Variants in PRKD1 observed in about 807,000 individuals in gnomAD.
PRKD1 encodes the protein protein kinase D1, also known as serine/threonine-protein kinase D1.
In PRKD1, 63 loss-of-function variants were observed where a neutral mutation model predicts 95.9. That is an observed-to-expected ratio of 0.66 (90% CI 0.54 to 0.81). The LOEUF (loss-of-function observed/expected upper bound fraction) is 0.81, where lower values mean the gene tolerates loss of function less well. Ranked by LOEUF, PRKD1 falls within the 30% of genes least tolerant of loss-of-function variation. The probability of loss-of-function intolerance (pLI) is 0.00; values close to 1 mark genes in which losing one functional copy is unlikely to be tolerated. For missense variants in PRKD1, 1,048 were observed against 1,165.3 expected, an observed-to-expected ratio of 0.90 and a Z score of 1.47; for synonymous variants, 425 against 423.1, an observed-to-expected ratio of 1.00 and a Z score of -0.05.
At chr14:29,726,788 A>T (rs893858220) in intron 1 of PRKD1, among the ~76,000 whole-genome samples, 1 of 137,512 alleles carries the variant, frequency 7.3e-6, no homozygotes, top group African/African-American at 2.9e-5. Context: ...TAACTTCCTT[A>T]AAAAAAAAAA....
At chr14:29,676,183 G>GTTTTTTT (rs34953735) in intron 2 of PRKD1, among the ~76,000 whole-genome samples, 32 of 67,416 alleles carry the variant, frequency 4.7e-4, no homozygotes, top group East Asian at 1.8e-3. Flanking sequence ...TTACGTTTTT[G>GTTTTTTT]TTTTTTTTTT....
intron 1 of PRKD1, among the ~76,000 whole-genome samples, chr14:29,753,978 T>C (rs1200612400): frequency 6.6e-6 from 1 of 152,160 alleles, no homozygotes; most frequent in African/African-American, 2.4e-5. Flanking sequence ...ACAGTATTCA[T>C]TTATCTTAAT....
chr14:29,747,001 C>T (rs1426498378), intron 1 of PRKD1, among the ~76,000 whole-genome samples: 1 of 152,072 alleles, frequency 6.6e-6, no homozygotes, highest in Non-Finnish European at 1.5e-5. Flanking sequence ...AAGATTCTAT[C>T]GGCAACATAC....
At chr14:29,767,662 T>C (rs1437420942) in intron 1 of PRKD1, among the ~76,000 whole-genome samples, 1 of 152,220 alleles carries the variant, frequency 6.6e-6, no homozygotes, top group Non-Finnish European at 1.5e-5. Flanking sequence ...TAGTATTTCA[T>C]ATTTAAACCA....
chr14:29,923,227 CAAAAAAAAAAA>C (rs33966435), intron 1 of PRKD1, among the ~76,000 whole-genome samples: 1 of 88,780 alleles, frequency 1.1e-5, no homozygotes, highest in Non-Finnish European at 2.8e-5. Context: ...GAGATTCTGT[CAAAAAAAAAAA>C]AAAAAAAACA....
chr14:29,716,960 C>T (rs564136564), intron 2 of PRKD1, among the ~76,000 whole-genome samples: 3 of 152,138 alleles, frequency 2.0e-5, no homozygotes, highest in African/African-American at 7.2e-5. Flanking sequence ...TTCTAAAAGA[C>T]ATTTTTGACA....
intron 1 of PRKD1, among the ~76,000 whole-genome samples, chr14:29,923,698 A>C (rs1566674151): frequency 6.6e-6 from 1 of 152,106 alleles, no homozygotes; most frequent in Non-Finnish European, 1.5e-5. Flanking sequence ...TACTCCATTT[A>C]AGTACATTTA....
rs540076882 is a variant in PRKD1, at chr14:29,653,461, T to A, written c.696+10238A>T. On this transcript the variant is annotated intron_variant, in intron 4 of 17. Coordinates refer to ENST00000331968, the MANE Select transcript of PRKD1 (RefSeq NM_002742.3). Reference sequence around the variant, plus strand: ...ACTTTAGTAAAGTTATTTAATTTTTTAAAAAAAATCCATAATGTAAAAAAT... The same window carrying A: ...ACTTTAGTAAAGTTATTTAATTTTTAAAAAAAAATCCATAATGTAAAAAAT... Among the ~76,000 whole-genome samples, 223 of 152,212 alleles carry A rather than the reference T, an allele frequency of 1.5e-3. 1 individual carries two copies. Among genetic ancestry groups the A allele is most frequent in the African/African-American group, 4.5e-3 (188 of 41,550 alleles).
Position 29,927,298 on chromosome 14 carries a change from T to C in PRKD1, c.215A>G (p.Tyr72Cys), listed in dbSNP as rs1895339118. 1.3e-6 allele frequency: 2 copies of C among 1,546,756 alleles called. No individual in the cohort carries two copies. The highest frequency in any genetic ancestry group is 1.2e-5 in the South Asian group (1 of 83,312). ...CATCTCGCGGACGTGCGCCAGGCTG[T>C]AGTCCCCGGACGAGTCCTGCAGCAG... ...VLLLQDSSGD[Y>C]SLAHVREMAC... Residue 72 changes from tyrosine to cysteine, a missense_variant, in exon 1 of 18, where the codon TAC (tyrosine) becomes TGC (cysteine). Around this residue, in one of 3 missense-constraint regions of PRKD1, gnomAD observed 275 missense variants for 248.6 expected, o/e 1.11. Coordinates refer to ENST00000331968, the MANE Select transcript of PRKD1 (RefSeq NM_002742.3).
chr14:29,744,118 CATT>C (rs1887105694), intron 1 of PRKD1, among the ~76,000 whole-genome samples: 1 of 152,168 alleles, frequency 6.6e-6, no homozygotes, highest in Non-Finnish European at 1.5e-5. Context: ...CTAACTCTAT[CATT>C]GAGCCTCCCC....
chr14:29,627,329 G>T (rs752867009), intron 11 of PRKD1, among the ~76,000 whole-genome samples: 1 of 152,206 alleles, frequency 6.6e-6, no homozygotes, highest in Non-Finnish European at 1.5e-5. Context: ...TGAACCCAAA[G>T]TGACAGAAGA....
intron 16 of PRKD1, among the ~76,000 whole-genome samples, chr14:29,579,520 T>C (rs1427364941): frequency 6.6e-6 from 1 of 152,262 alleles, no homozygotes; most frequent in East Asian, 1.9e-4. Flanking sequence ...AAGTCTTGAA[T>C]AGGCAGCTTT....
chr14:29,656,337 T>C, intron 4 of PRKD1: 2 of 900,022 alleles, frequency 2.2e-6, no homozygotes, highest in Non-Finnish European at 3.4e-6. Context: ...TGTGGGTCAA[T>C]GTGTTGAATT....
chr14:29,749,064 A>G (rs185117814), intron 1 of PRKD1, among the ~76,000 whole-genome samples: 2 of 152,320 alleles, frequency 1.3e-5, no homozygotes, highest in East Asian at 3.9e-4. Flanking sequence ...GTAGGAGTGG[A>G]ATAAAAAAGA....
At position 29,789,483 on chromosome 14, in the gene PRKD1, G is replaced by A. The variant is rs1293048756; in HGVS notation, c.265-63809C>T. Among the ~76,000 whole-genome samples, 3 of 152,166 alleles carry A rather than the reference G, an allele frequency of 2.0e-5. No individual in the cohort carries two copies. In the South Asian group the frequency reaches 6.2e-4, roughly 32 times the overall value. On this transcript the variant is annotated intron_variant, in intron 1 of 17. Coordinates refer to ENST00000331968, the MANE Select transcript of PRKD1 (RefSeq NM_002742.3). ...CTGGGTGGCTGTGTTGGTATAGTGT[G>A]TTTATAATTTCTTTGACTCTATCAG...
At chr14:29,713,931 G>A (rs1048663558) in intron 2 of PRKD1, among the ~76,000 whole-genome samples, 8 of 152,060 alleles carry the variant, frequency 5.3e-5, no homozygotes, top group East Asian at 1.9e-4. Flanking sequence ...AACTCAGGCC[G>A]GTTACTTCTA....
chr14:29,577,329 T>C lies in PRKD1; in HGVS notation c.2648A>G (p.His883Arg). Residue 883 changes from histidine (H) to arginine (R), a missense_variant, in exon 18 of 18, where the codon CAC (histidine) becomes CGC (arginine). His to Arg is a conservative substitution (Grantham distance 29). This residue lies in a region of PRKD1 where 739 missense variants were observed against 861.9 expected (regional missense o/e 0.86). Coordinates refer to ENST00000331968, the MANE Select transcript of PRKD1 (RefSeq NM_002742.3). ...GTGGCTAGCACTTGGATTGATCAGG[T>C]GTGTGGGGTACTGCAGCCCCTGCTC... The part of the protein sequence containing the change: ...AGEQGLQYPT[H>R]LINPSASHSD... 6.2e-7 allele frequency: 1 copy of C among 1,613,818 alleles called. No homozygotes were observed. Among genetic ancestry groups the C allele is most frequent in the Non-Finnish European group, 8.5e-7 (1 of 1,179,828 alleles).
At chr14:29,586,440 C>A (rs946602686) in intron 16 of PRKD1, among the ~76,000 whole-genome samples, 4 of 152,144 alleles carry the variant, frequency 2.6e-5, no homozygotes, top group Non-Finnish European at 5.9e-5. Context: ...TCTCTCTCAA[C>A]CTCCTCAAAA....
At chr14:29,645,112 CT>C (rs1290944812) in intron 4 of PRKD1, among the ~76,000 whole-genome samples, 6 of 152,244 alleles carry the variant, frequency 3.9e-5, no homozygotes, top group South Asian at 2.1e-4. Flanking sequence ...TTTCACATTC[CT>C]TGATTTTATG....
Sources: allele counts gnomAD v4.1 joint callset (sites outside exome capture counted in the v4.1 genomes callset), GRCh38; gene constraint gnomAD v4.1.1; regional missense constraint gnomAD v4.1.1; transcripts MANE v1.5; gene names NCBI Gene and HGNC (gene_info 2026-07-23, HGNC 2026-07-21).